UBE2S: variants seen among roughly 807,000 people sequenced by gnomAD.
UBE2S encodes the protein ubiquitin conjugating enzyme E2 S.
A neutral mutation model predicts 12.3 loss-of-function variants in UBE2S; 3 were observed. That is an observed-to-expected ratio of 0.24 (90% CI 0.11 to 0.63). UBE2S has a LOEUF of 0.63. Among genes scored for constraint, UBE2S ranks in the 30% least tolerant of loss-of-function variants. The probability of loss-of-function intolerance (pLI) is 0.85; values close to 1 mark genes in which losing one functional copy is unlikely to be tolerated. For missense variants in UBE2S, 211 were observed against 313.9 expected, an observed-to-expected ratio of 0.67 and a Z score of 2.48; for synonymous variants, 133 against 142.0, an observed-to-expected ratio of 0.94 and a Z score of 0.45.
chr19:55,406,785 A>T, intron 2 of UBE2S, 30 bp downstream of exon 2: 1 of 1,598,690 alleles, frequency 6.3e-7, no homozygotes, highest in African/African-American at 1.3e-5. Context: ...TCTAAGCAGC[A>T]GCCCCTTCTC....
rs2090055321 is a variant in UBE2S at position 55,401,241 on chromosome 19, G to A, written c.*195C>T. On this transcript the variant is annotated 3_prime_UTR_variant, in exon 4 of 4. Transcript: ENST00000264552. ...GGAGCCAAACTCCCAGAGCCACATGGCACCATGCAGCGGTCCTGGGGCATC... is the reference window on the plus strand; with the variant it reads ...GGAGCCAAACTCCCAGAGCCACATGACACCATGCAGCGGTCCTGGGGCATC... The A allele has an allele frequency of 1.2e-5, 8 of 673,212 alleles. No individual in the cohort carries two copies. In the Middle Eastern group the frequency reaches 1.6e-3, roughly 139 times the overall value. The allele number at this position is 673,212 out of a possible 1,614,324, so 41.7% of individuals were successfully genotyped here. A position where few individuals can be genotyped will look rare whatever the true frequency, so the allele number is the denominator to read the frequency against.
In UBE2S at chr19:55,407,776, G is replaced by A. The variant is rs986134338; in HGVS notation, c.-187C>T. The A allele has an allele frequency of 1.4e-5, 5 of 364,716 alleles. No individual in the cohort carries two copies. The highest frequency in any genetic ancestry group is 6.4e-5 in the African/African-American group (3 of 46,868). The allele number at this position is 364,716 out of a possible 1,614,324, so 22.6% of individuals were successfully genotyped here. A position where few individuals can be genotyped will look rare whatever the true frequency, so the allele number is the denominator to read the frequency against. On this transcript the variant is annotated 5_prime_UTR_variant, in exon 1 of 4. Transcript: ENST00000264552. ...GACCAACCCGCCGCCCCGGTGCCCG[G>A]CAGCACTGAGCCGGCCGCGCGCGCA...
chr19:55,407,458 T>C lies in UBE2S; in HGVS notation c.3+129A>G, dbSNP rs1007738182. 1.4e-5 allele frequency: 15 copies of C among 1,056,704 alleles called. No individual in the cohort carries two copies. In the African/African-American group the frequency reaches 2.2e-4, roughly 16 times the overall value. The allele number at this position is 1,056,704 out of a possible 1,614,324, so 65.5% of individuals were successfully genotyped here. On this transcript the variant is annotated intron_variant, in intron 1 of 3. Coordinates refer to ENST00000264552, the MANE Select transcript of UBE2S (RefSeq NM_014501.3). ...GCCTGCGGGAAGGCCCTCGGGCCCA[T>C]CCCGGGTCAGGGACCCCCAGGCTGG...
intron 2 of UBE2S, among the ~76,000 whole-genome samples, chr19:55,405,230 C>G (rs1397145262): frequency 2.5e-5 from 2 of 80,768 alleles, no homozygotes; most frequent in South Asian, 4.1e-4. Flanking sequence ...AAAAAAAAAG[C>G]CAAGCGCGGT....
In UBE2S at chr19:55,401,447, G is replaced by A. The variant is rs781182726; in HGVS notation, c.658C>T (p.Arg220Trp). 1.9e-6 allele frequency: 3 copies of A among 1,603,448 alleles called. No individual in the cohort carries two copies. The highest frequency in any genetic ancestry group is 2.2e-5 in the East Asian group (1 of 44,846). Residue 220 changes from arginine to tryptophan, a missense_variant, in exon 4 of 4, where the codon CGG becomes TGG. Transcript: ENST00000264552. The stretch of plus-strand genomic sequence containing the variant: ...AGGAAGAGAGCCCACTACAGCCGCC[G>A]CAGCGCCCGCTTCTTGTCCGTCTTT... ...KKKTDKKRALRRL is the reference protein window; with the variant it reads ...KKKTDKKRALWRL
chr19:55,407,478 G>A, intron 1 of UBE2S, 109 bp downstream of exon 1: 2 of 1,248,490 alleles, frequency 1.6e-6, no homozygotes, highest in South Asian at 1.5e-5. Flanking sequence ...GGGACCCCCA[G>A]GCTGGCCCTC....
At chr19:55,401,832 G>GCAAGACACC in intron 3 of UBE2S, 70 bp from the exon 4 acceptor site, 2 of 1,549,542 alleles carry the variant, frequency 1.3e-6, no homozygotes, top group South Asian at 1.1e-5. Flanking sequence ...CCACAAGAGG[G>GCAAGACACC]TGGCCTCCGC....
At chr19:55,407,477 A>G (rs1204042975) in intron 1 of UBE2S, 110 bp downstream of exon 1, 10 of 1,228,864 alleles carry the variant, frequency 8.1e-6, no homozygotes, top group Non-Finnish European at 9.9e-6. Flanking sequence ...AGGGACCCCC[A>G]GGCTGGCCCT....
chr19:55,401,387 G>A lies in UBE2S; in HGVS notation c.*49C>T, dbSNP rs770980928. The A allele has an allele frequency of 3.7e-5, 46 of 1,246,274 alleles. No homozygotes were observed. The highest frequency in any genetic ancestry group is 5.0e-5 in the Non-Finnish European group (44 of 888,122). 77.2% of individuals were successfully genotyped at this position (1,246,274 alleles called of 1,614,324 possible). ...AATAACTTAGAGACAGAGTTGGAGG[G>A]AGGGGACAGGAGAGGTTGGGGTCAC... On this transcript the variant is annotated 3_prime_UTR_variant, in exon 4 of 4. Coordinates refer to ENST00000264552, the MANE Select transcript of UBE2S (RefSeq NM_014501.3).
Position 55,401,235 on chromosome 19 carries a change from C to T in UBE2S, c.*201G>A, listed in dbSNP as rs2090055272. 1 of 658,932 alleles carries T rather than the reference C, an allele frequency of 1.5e-6. No individual in the cohort carries two copies. Among genetic ancestry groups the T allele is most frequent in the Non-Finnish European group, 2.5e-6 (1 of 393,690 alleles). The allele number at this position is 658,932 out of a possible 1,614,324, so 40.8% of individuals were successfully genotyped here. A position where few individuals can be genotyped will look rare whatever the true frequency, so the allele number is the denominator to read the frequency against. ...TGCAGGGGAGCCAAACTCCCAGAGC[C>T]ACATGGCACCATGCAGCGGTCCTGG... On this transcript the variant is annotated 3_prime_UTR_variant, in exon 4 of 4. Transcript: ENST00000264552.
At chr19:55,403,267 G>A (rs1034010119) in intron 3 of UBE2S, 39 of 573,862 alleles carry the variant, frequency 6.8e-5, no homozygotes, top group South Asian at 5.5e-4. Context: ...TGAGTTTTAC[G>A]GCATGTAAGC....
intron 3 of UBE2S, chr19:55,403,981 TCCA>T (rs2090080119): frequency 3.4e-6 from 1 of 290,282 alleles, no homozygotes; most frequent in African/African-American, 2.3e-5. Context: ...GCTCAAGTGA[TCCA>T]CCACACCTGG....
rs902445329 is a variant in UBE2S, at chr19:55,401,128, C to A, written c.*308G>T. ...TACCTCCACAGAACAAAGAGGTGGA[C>A]CCAAACCTCAAACAGCAAGGCTGGT... On this transcript the variant is annotated 3_prime_UTR_variant, in exon 4 of 4. Transcript: ENST00000264552. 3 of 449,652 alleles carry A rather than the reference C, an allele frequency of 6.7e-6. No individual in the cohort carries two copies. The highest frequency in any genetic ancestry group is 1.2e-5 in the Non-Finnish European group (3 of 251,996). The allele number at this position is 449,652 out of a possible 1,614,324, so 27.9% of individuals were successfully genotyped here.
At chr19:55,405,952 G>T (rs1394338291) in intron 2 of UBE2S, among the ~76,000 whole-genome samples, 2 of 152,260 alleles carry the variant, frequency 1.3e-5, no homozygotes, top group African/African-American at 4.8e-5. Flanking sequence ...CCCCTGCCAG[G>T]CCGGCTCTCC....
chr19:55,402,948 G>C (rs1355301469), intron 3 of UBE2S: 1 of 1,521,604 alleles, frequency 6.6e-7, no homozygotes, highest in Non-Finnish European at 8.8e-7. Flanking sequence ...TTCAGCTTGC[G>C]GGAAGGGTTG....
rs2090056354 is a variant in UBE2S at position 55,401,377 on chromosome 19, G to C, written c.*59C>G. ...CCATAATTTAAATAACTTAGAGACAGAGTTGGAGGGAGGGGACAGGAGAGG... is the reference window on the plus strand; with the variant it reads ...CCATAATTTAAATAACTTAGAGACACAGTTGGAGGGAGGGGACAGGAGAGG... On this transcript the variant is annotated 3_prime_UTR_variant, in exon 4 of 4. Transcript: ENST00000264552. The C allele has an allele frequency of 6.2e-6, 7 of 1,128,124 alleles. No homozygotes were observed. The highest frequency in any genetic ancestry group is 3.0e-4 in the Middle Eastern group (1 of 3,314). 69.9% of individuals were successfully genotyped at this position (1,128,124 alleles called of 1,614,324 possible).
chr19:55,404,055 A>G lies in UBE2S; in HGVS notation c.342+233T>C, dbSNP rs2090080680. On this transcript the variant is annotated intron_variant, in intron 3 of 3. Coordinates refer to ENST00000264552, the MANE Select transcript of UBE2S (RefSeq NM_014501.3). The surrounding 1 kb of genome is among the most constrained non-coding windows in gnomAD (Gnocchi z 4.4). ...AGAGAAAAACCATCCTACAATACAA[A>G]CTCACCACTCGTTGCATAGTAAGGT... 1.8e-6 allele frequency: 1 copy of G among 544,754 alleles called. No homozygotes were observed. The allele number at this position is 544,754 out of a possible 1,614,324, so 33.7% of individuals were successfully genotyped here. A position where few individuals can be genotyped will look rare whatever the true frequency, so the allele number is the denominator to read the frequency against.
At chr19:55,405,733 TTA>T (rs1381245266) in intron 2 of UBE2S, among the ~76,000 whole-genome samples, 3 of 152,114 alleles carry the variant, frequency 2.0e-5, no homozygotes, top group Admixed American at 6.5e-5. Context: ...AGATGCCCAT[TTA>T]TATGCCTTTC....
Position 55,404,498 on chromosome 19 carries a change from AC to A in UBE2S, c.152-21del. ...TCCCCTCTGGAGTGGAGGGAGGGGTACAGGGTCAGGGCACTCAGGAGTCCCA... is the reference window on the plus strand; with the variant it reads ...TCCCCTCTGGAGTGGAGGGAGGGGTAAGGGTCAGGGCACTCAGGAGTCCCA... On this transcript the variant is annotated intron_variant, in intron 2 of 3. Transcript: ENST00000264552. The surrounding 1 kb of genome is among the most constrained non-coding windows in gnomAD (Gnocchi z 4.4). The A allele has an allele frequency of 6.3e-7, 1 of 1,585,392 alleles. No homozygotes were observed. Among genetic ancestry groups the A allele is most frequent in the Middle Eastern group, 1.7e-4 (1 of 5,932 alleles).
Sources: allele counts gnomAD v4.1 joint callset (sites outside exome capture counted in the v4.1 genomes callset), GRCh38; gene constraint gnomAD v4.1.1; non-coding constraint Gnocchi (gnomAD v3.1); transcripts MANE v1.5; gene names NCBI Gene and HGNC (gene_info 2026-07-23, HGNC 2026-07-21).